The following TUBGCP2 variants were observed in gnomAD, a reference collection of about 807,000 sequenced individuals.
TUBGCP2 encodes the protein gamma-tubulin complex component 2.
A neutral mutation model predicts 92.2 loss-of-function variants in TUBGCP2; 55 were observed. That is an observed-to-expected ratio of 0.60 (90% CI 0.48 to 0.75). The LOEUF (loss-of-function observed/expected upper bound fraction) is 0.75. Among genes scored for constraint, TUBGCP2 ranks in the 30% least tolerant of loss-of-function variants. The pLI is 0.00. For missense variants in TUBGCP2, 1,093 were observed against 1,188.9 expected (o/e 0.92, Z 1.19); for synonymous variants, 533 against 505.2 (o/e 1.06, Z -0.74).
chr10:133,303,831 C>T (rs1847739795), intron 1 of TUBGCP2, among the ~76,000 whole-genome samples: 2 of 152,256 alleles, frequency 1.3e-5, no homozygotes, highest in Non-Finnish European at 2.9e-5. Context: ...GCAGCTCCAG[C>T]TGCCCCAGGG....
intron 5 of TUBGCP2, among the ~76,000 whole-genome samples, chr10:133,296,898 GATGAGGAAAAC>G (rs1847501183): frequency 1.3e-5 from 2 of 152,172 alleles, no homozygotes; most frequent in Non-Finnish European, 2.9e-5. Context: ...TTTGCTTGGG[GATGAGGAAAAC>G]AGGTGGATTT....
At position 133,300,033 on chromosome 10, in the gene TUBGCP2, G is replaced by C; in HGVS notation, c.231C>G (p.Asn77Lys). Reference protein sequence around the residue: ...YDELKSKNTRNLDPLVYLLSK... With the variant: ...YDELKSKNTRKLDPLVYLLSK... ...ACAACAGGTACACCAGCGGGTCAAG[G>C]TTCCTTGTATTTTTAGATTTCAGTT... The change falls in exon 3 of 18, where the codon AAC becomes AAG. Residue 77 changes from asparagine to lysine, a missense_variant. Coordinates refer to ENST00000252936, the MANE Select transcript of TUBGCP2 (RefSeq NM_006659.4). 1 of 1,614,142 alleles carries C rather than the reference G, an allele frequency of 6.2e-7. No homozygotes were observed. The highest frequency in any genetic ancestry group is 1.3e-5 in the African/African-American group (1 of 75,032).
chr10:133,287,538 T>G (rs565399973), intron 11 of TUBGCP2, among the ~76,000 whole-genome samples: 7 of 152,244 alleles, frequency 4.6e-5, no homozygotes, highest in African/African-American at 1.7e-4. Context: ...GGTCAAGAGT[T>G]CAAGACCAGC....
intron 1 of TUBGCP2, among the ~76,000 whole-genome samples, chr10:133,305,690 G>A (rs557409657): frequency 2.0e-5 from 3 of 152,180 alleles, no homozygotes; most frequent in Admixed American, 1.3e-4. Context: ...TTCTAATCCT[G>A]TGTGATGGAA....
chr10:133,306,950 C>T (rs1410921085), intron 1 of TUBGCP2, among the ~76,000 whole-genome samples: 2 of 152,176 alleles, frequency 1.3e-5, no homozygotes, highest in South Asian at 2.1e-4. Context: ...AGCCCGTACT[C>T]GCACAGAGTC....
At position 133,279,553 on chromosome 10, in the gene TUBGCP2, G is replaced by C. The variant is rs967206931; in HGVS notation, c.*213C>G. On this transcript the variant is annotated 3_prime_UTR_variant, in exon 18 of 18. Coordinates refer to ENST00000252936, the MANE Select transcript of TUBGCP2 (RefSeq NM_006659.4). ...ATAGTGTAATTTCAAAAAGCAAACA[G>C]ATTAGCAAATCCAGGGAGACATCCA... The C allele has an allele frequency of 8.7e-6, 6 of 689,384 alleles. No individual in the cohort carries two copies. The allele number at this position is 689,384 out of a possible 1,614,324, so 42.7% of individuals were successfully genotyped here.
upstream of TUBGCP2, chr10:133,309,053 T>G (rs1847915537): frequency 7.8e-7 from 1 of 1,283,194 alleles, no homozygotes; most frequent in Non-Finnish European, 9.9e-7. Flanking sequence ...TTTCGCTTCG[T>G]TGCGCGCCCC....
chr10:133,282,159 T>A (rs969414011), intron 16 of TUBGCP2, 64 bp downstream of exon 16: 1 of 1,606,966 alleles, frequency 6.2e-7, no homozygotes, highest in Non-Finnish European at 8.5e-7. Flanking sequence ...TGCGTCAGGA[T>A]GCCCAGGCTG....
At chr10:133,280,970 G>A (rs1199140444) in intron 17 of TUBGCP2, among the ~76,000 whole-genome samples, 2 of 151,094 alleles carry the variant, frequency 1.3e-5, no homozygotes, top group Non-Finnish European at 3.0e-5. Context: ...TGTTGGGCAG[G>A]GGCAGGTGCT....
At position 133,282,335 on chromosome 10, in the gene TUBGCP2, G is replaced by T. The variant is rs779990701; in HGVS notation, c.2297C>A (p.Thr766Lys). 6.3e-7 allele frequency: 1 copy of T among 1,597,280 alleles called. No individual in the cohort carries two copies. The highest frequency in any genetic ancestry group is 8.6e-7 in the Non-Finnish European group (1 of 1,169,400). ...VMFTNCMQKFTQSMKLDGELG... is the reference protein window; with the variant it reads ...VMFTNCMQKFKQSMKLDGELG... The stretch of plus-strand genomic sequence containing the variant: ...CTCGCCATCTAATTTCATGCTCTGT[G>T]TAAATTTCTAGGGGGGGAGAGTCGC... Residue 766 changes from threonine to lysine, a missense_variant, in exon 16 of 18, where the codon ACA (threonine) becomes AAA (lysine). This residue lies in a region of TUBGCP2 where 598 missense variants were observed against 675.5 expected (regional missense o/e 0.89). Coordinates refer to ENST00000252936, the MANE Select transcript of TUBGCP2 (RefSeq NM_006659.4).
intron 5 of TUBGCP2, among the ~76,000 whole-genome samples, chr10:133,294,322 G>A (rs1424612393): frequency 2.0e-5 from 3 of 152,226 alleles, no homozygotes; most frequent in African/African-American, 7.2e-5. Context: ...GCCTCAGGCG[G>A]GCCATGCCTG....
rs1286195691 is a variant in TUBGCP2, at chr10:133,298,016, T to C, written c.552A>G (p.Arg184=). The stretch of plus-strand genomic sequence containing the variant: ...TCAGGAAATCCCCGATCAGGGCAGG[T>C]CTCTCATACACCCATGCTGGGAAGA... The part of the protein sequence containing the change: ...LPIFPAWVYE[R]PALIGDFLIG... The change falls in exon 5 of 18, where the codon AGA becomes AGG. Residue 184 remains arginine, a synonymous_variant. Coordinates refer to ENST00000252936, the MANE Select transcript of TUBGCP2 (RefSeq NM_006659.4). The C allele has an allele frequency of 6.2e-7, 1 of 1,613,964 alleles. No homozygotes were observed. The highest frequency in any genetic ancestry group is 2.2e-5 in the East Asian group (1 of 44,898).
chr10:133,305,397 T>C (rs149918090), intron 1 of TUBGCP2, among the ~76,000 whole-genome samples: 6,518 of 123,278 alleles, frequency 0.053, no homozygotes, highest in Admixed American at 0.08. Flanking sequence ...CTCTTTACCC[T>C]GCCCCTTTTG....
At chr10:133,282,179 C>T (rs1564933686) in intron 16 of TUBGCP2, 44 bp downstream of exon 16, 9 of 1,609,742 alleles carry the variant, frequency 5.6e-6, no homozygotes, top group Non-Finnish European at 7.6e-6. Flanking sequence ...GCCGCCCAGC[C>T]GGGAGGAAGC....
upstream of TUBGCP2, chr10:133,309,432 A>G (rs770000845): frequency 3.2e-5 from 52 of 1,612,510 alleles, no homozygotes; most frequent in Admixed American, 2.2e-4. Flanking sequence ...GGACGTGATC[A>G]TGCAGGTGGC....
At chr10:133,289,732 G>T in intron 9 of TUBGCP2, 92 bp downstream of exon 9, 2 of 1,395,142 alleles carry the variant, frequency 1.4e-6, no homozygotes, top group African/African-American at 1.5e-5. Context: ...ACAGGGTGAG[G>T]CACAGGCTCC....
At chr10:133,294,422 C>T (rs1288682943) in intron 5 of TUBGCP2, among the ~76,000 whole-genome samples, 1 of 152,182 alleles carries the variant, frequency 6.6e-6, no homozygotes, top group Non-Finnish European at 1.5e-5. Flanking sequence ...AGACCATACC[C>T]AAACCAGGCC....
upstream of TUBGCP2, chr10:133,310,172 C>T (rs750535514): frequency 8.7e-6 from 14 of 1,613,760 alleles, no homozygotes; most frequent in Admixed American, 2.3e-4. Context: ...AGTATCAGTG[C>T]TTGGTAGAAG....
chr10:133,309,434 G>T (rs780127248), upstream of TUBGCP2: 26 of 1,612,496 alleles, frequency 1.6e-5, no homozygotes, highest in African/African-American at 2.7e-5. Flanking sequence ...ACGTGATCAT[G>T]CAGGTGGCCG....
Sources: gnomAD v4.1 joint callset for allele counts (sites outside exome capture counted in the v4.1 genomes callset) on GRCh38, gnomAD v4.1.1 for gene constraint, gnomAD v4.1.1 regional missense constraint, MANE v1.5 for transcripts, NCBI Gene and HGNC (gene_info 2026-07-23, HGNC 2026-07-21) for gene names.